SOX5: variants seen among roughly 807,000 people sequenced by gnomAD.
The protein encoded by SOX5 is transcription factor SOX-5.
In SOX5, 9 loss-of-function variants were observed where a neutral mutation model predicts 92.0. The observed-to-expected ratio is 0.10, with a 90% CI of 0.06 to 0.17. The LOEUF (loss-of-function observed/expected upper bound fraction) is 0.17. SOX5 is among the 10% of genes least tolerant of loss of function. The pLI is 1.00. For missense variants in SOX5, 642 were observed against 944.5 expected, an observed-to-expected ratio of 0.68 and a Z score of 4.20; for synonymous variants, 344 against 336.3, an observed-to-expected ratio of 1.02 and a Z score of -0.25.
At chr12:23,686,225 G>A (rs1406104626) in intron 6 of SOX5, among the ~76,000 whole-genome samples, 3 of 152,142 alleles carry the variant, frequency 2.0e-5, no homozygotes, top group South Asian at 2.1e-4. Flanking sequence ...GCTAAAGAAT[G>A]AGCCAGATAT....
At chr12:24,382,133 T>A (rs1957885098) in intron 1 of SOX5, among the ~76,000 whole-genome samples, 1 of 152,144 alleles carries the variant, frequency 6.6e-6, no homozygotes. Context: ...AATGAACATA[T>A]GTATATACAC....
intron 4 of SOX5, among the ~76,000 whole-genome samples, chr12:24,033,801 A>T (rs1955745976): frequency 6.6e-6 from 1 of 152,110 alleles, no homozygotes; most frequent in Non-Finnish European, 1.5e-5. Flanking sequence ...TACTGCTAAT[A>T]GCACAGTTGT....
intron 3 of SOX5, chr12:24,227,508 A>T (rs1962332633): frequency 6.6e-6 from 1 of 152,214 alleles, no homozygotes; most frequent in African/African-American, 2.4e-5. Flanking sequence ...AAATAGGTTA[A>T]TGCTTCTGCA....
intron 1 of SOX5, among the ~76,000 whole-genome samples, chr12:24,452,292 T>C (rs999742628): frequency 2.3e-4 from 35 of 152,330 alleles, no homozygotes; most frequent in African/African-American, 7.0e-4. Context: ...AGCAATGATT[T>C]ACATATTTAA....
At chr12:24,427,987 A>T (rs1828574615) in intron 1 of SOX5, among the ~76,000 whole-genome samples, 2 of 152,206 alleles carry the variant, frequency 1.3e-5, no homozygotes, top group Non-Finnish European at 2.9e-5. Context: ...GCCTAGACTG[A>T]AAAACAAACA....
At chr12:24,217,838 C>G (rs1341990940) in intron 3 of SOX5, among the ~76,000 whole-genome samples, 1 of 152,114 alleles carries the variant, frequency 6.6e-6, no homozygotes, top group Non-Finnish European at 1.5e-5. Flanking sequence ...AGCAAAAGAT[C>G]TGATAGACAT....
intron 1 of SOX5, among the ~76,000 whole-genome samples, chr12:24,383,562 G>C (rs1958048080): frequency 1.3e-5 from 2 of 152,144 alleles, no homozygotes; most frequent in African/African-American, 4.8e-5. Flanking sequence ...GTCCTGCCCA[G>C]GACATGACTT....
chr12:23,632,199 A>C (rs987913226), intron 8 of SOX5: 1 of 152,138 alleles, frequency 6.6e-6, no homozygotes, highest in African/African-American at 2.4e-5. Context: ...TCTGCCCTCC[A>C]GGCTCAGGGT....
At chr12:23,911,144 C>T (rs1350344592) in intron 1 of SOX5, among the ~76,000 whole-genome samples, 1 of 151,894 alleles carries the variant, frequency 6.6e-6, no homozygotes, top group Non-Finnish European at 1.5e-5. Flanking sequence ...AATTCCATTG[C>T]AAAAGGGAAC....
intron 2 of SOX5, among the ~76,000 whole-genome samples, chr12:23,880,315 A>G (rs569408343): frequency 2.0e-5 from 3 of 152,328 alleles, no homozygotes; most frequent in African/African-American, 7.2e-5. Context: ...AGCTGAAGAC[A>G]TAAGTGAATG....
intron 7 of SOX5, among the ~76,000 whole-genome samples, chr12:23,643,793 G>C (rs10842203): frequency 0.55 from 83,851 of 151,930 alleles, 23,371 homozygotes; most frequent in African/African-American, 0.62. Flanking sequence ...GGTTGAGAAG[G>C]CCTAATCAGA....
At chr12:23,823,997 T>C (rs1271260031) in intron 3 of SOX5, among the ~76,000 whole-genome samples, 1 of 152,252 alleles carries the variant, frequency 6.6e-6, no homozygotes, top group African/African-American at 2.4e-5. Flanking sequence ...AAACTGGTTA[T>C]TCTAGTTAGC....
chr12:23,965,349 TC>T (rs565247204), intron 4 of SOX5, among the ~76,000 whole-genome samples: 4 of 152,128 alleles, frequency 2.6e-5, no homozygotes, highest in Non-Finnish European at 5.9e-5. Context: ...TATCAGCTTG[TC>T]CTTTGGTTTT....
chr12:23,600,113 G>A (rs768999344), intron 9 of SOX5, among the ~76,000 whole-genome samples: 6 of 152,124 alleles, frequency 3.9e-5, no homozygotes, highest in South Asian at 2.1e-4. Context: ...TGATTCAAAC[G>A]TCAATACTGC....
At chr12:23,622,835 C>G (rs2077342914) in intron 8 of SOX5, among the ~76,000 whole-genome samples, 1 of 152,018 alleles carries the variant, frequency 6.6e-6, no homozygotes, top group Non-Finnish European at 1.5e-5. Context: ...CAGAATAAGT[C>G]AGAAAATCAG....
Position 23,802,876 on chromosome 12 carries a change from G to A in SOX5, c.481+43107C>T, listed in dbSNP as rs143030692. On this transcript the variant is annotated intron_variant, in intron 3 of 14. Coordinates refer to ENST00000451604, the MANE Select transcript of SOX5 (RefSeq NM_006940.6). ...AGTCTTGCAGTCTGGCTTCTGATCC[G>A]ATTAGTAACTGCCTACTTCTCAACC... is the stretch of plus-strand genomic sequence containing the variant. 6.6e-5 allele frequency among the ~76,000 whole-genome samples: 10 copies of A among 152,158 alleles called. No individual in the cohort carries two copies. The East Asian group carries it at 7.7e-4, about 12-fold the overall frequency.
At chr12:24,374,351 C>A (rs889356091) in intron 1 of SOX5, among the ~76,000 whole-genome samples, 3 of 152,056 alleles carry the variant, frequency 2.0e-5, no homozygotes, top group Non-Finnish European at 4.4e-5. Flanking sequence ...TCCATCTAAC[C>A]TGGTGAGAGA....
intron 3 of SOX5, among the ~76,000 whole-genome samples, chr12:24,259,258 G>A (rs894059548): frequency 1.2e-4 from 19 of 152,204 alleles, no homozygotes; most frequent in Middle Eastern, 3.4e-3. Context: ...GAGAGAGAGC[G>A]CGCACATGGT....
chr12:23,781,041 T>C (rs1377287782), intron 3 of SOX5, among the ~76,000 whole-genome samples: 1 of 152,056 alleles, frequency 6.6e-6, no homozygotes, highest in Non-Finnish European at 1.5e-5. Flanking sequence ...CCACTCTTAA[T>C]ACATTTACTG....
Sources: gnomAD v4.1 joint callset for allele counts (sites outside exome capture counted in the v4.1 genomes callset) on GRCh38, gnomAD v4.1.1 for gene constraint, MANE v1.5 for transcripts, NCBI Gene and HGNC (gene_info 2026-07-23, HGNC 2026-07-21) for gene names.